Variants in NRG1 observed in about 807,000 individuals in gnomAD.
NRG1 encodes the protein pro-neuregulin-1, membrane-bound isoform.
Under a neutral mutation model 63.8 loss-of-function variants are expected in NRG1, and 18 were observed. That is an observed-to-expected ratio of 0.28 (90% confidence interval 0.19 to 0.42). NRG1 has a LOEUF of 0.42. NRG1 is among the 10% of genes least tolerant of loss of function. The probability of loss-of-function intolerance (pLI) is 1.00; values close to 1 mark genes in which losing one functional copy is unlikely to be tolerated. For synonymous variants in NRG1, 302 were observed against 301.3 expected (o/e 1.00, Z -0.02); for missense variants, 762 against 814.7 (o/e 0.94, Z 0.79).
exon 12 of NRG1, chr8:32,765,492 G>A (rs974244726): frequency 1.3e-5 from 2 of 152,184 alleles, no homozygotes; most frequent in South Asian, 4.1e-4. Flanking sequence ...TTCAGAAGGA[G>A]TGACTGTATA....
chr8:32,773,386 CAG>C (rs1334977024), intron 7 of NRG1, among the ~76,000 whole-genome samples: 1 of 152,120 alleles, frequency 6.6e-6, no homozygotes, highest in Non-Finnish European at 1.5e-5. Flanking sequence ...GCTATTAATG[CAG>C]AGTCAGTGAG....
chr8:32,356,170 T>C (rs2129480409), intron 1 of NRG1, among the ~76,000 whole-genome samples: 1 of 152,266 alleles, frequency 6.6e-6, no homozygotes, highest in Middle Eastern at 3.4e-3. Context: ...GATTAATTGG[T>C]AAAAGATATT....
At chr8:31,966,515 C>A (rs757439306) in intron 1 of NRG1, among the ~76,000 whole-genome samples, 7 of 152,192 alleles carry the variant, frequency 4.6e-5, no homozygotes, top group Non-Finnish European at 1.0e-4. Flanking sequence ...GTGTATATGT[C>A]CCATTATTTG....
intron 1 of NRG1, among the ~76,000 whole-genome samples, chr8:31,991,739 C>A (rs2129632649): frequency 6.6e-6 from 1 of 151,940 alleles, no homozygotes; most frequent in South Asian, 2.1e-4. Flanking sequence ...TTAAATTAAG[C>A]TCACTCTTTA....
At chr8:31,773,813 C>A (rs1268233339) in intron 1 of NRG1, among the ~76,000 whole-genome samples, 1 of 152,062 alleles carries the variant, frequency 6.6e-6, no homozygotes, top group Non-Finnish European at 1.5e-5. Flanking sequence ...ATAAAAGTTA[C>A]CTTCTCTGAG....
chr8:32,436,229 T>A (rs1413780264), intron 1 of NRG1, among the ~76,000 whole-genome samples: 1 of 152,092 alleles, frequency 6.6e-6, no homozygotes, highest in East Asian at 1.9e-4. Context: ...AGCCATCAGA[T>A]CTAGTGAGAC....
intron 1 of NRG1, among the ~76,000 whole-genome samples, chr8:32,280,678 AG>A (rs202138410): frequency 3.7e-4 from 31 of 84,530 alleles, no homozygotes; most frequent in African/African-American, 1.1e-3. Flanking sequence ...CAACTGAATT[AG>A]GTTTTTTTTT....
At chr8:32,465,947 A>G (rs549001395) in intron 1 of NRG1, among the ~76,000 whole-genome samples, 3 of 152,334 alleles carry the variant, frequency 2.0e-5, no homozygotes, top group South Asian at 2.1e-4. Flanking sequence ...AAATACAAGA[A>G]GGATCTATCA....
chr8:32,763,311 C>A (rs773199629), intron 11 of NRG1: 36 of 1,613,874 alleles, frequency 2.2e-5, no homozygotes, highest in Admixed American at 3.3e-5. Context: ...GATCTTCTTC[C>A]ATTCCCCATT....
intron 2 of NRG1, among the ~76,000 whole-genome samples, chr8:32,604,739 T>A (rs74410387): frequency 0.023 from 3,504 of 152,200 alleles, 64 homozygotes; most frequent in African/African-American, 0.051. Context: ...GGCTTTAGAA[T>A]AATTCTTTAG....
intron 1 of NRG1, among the ~76,000 whole-genome samples, chr8:31,807,495 G>A (rs1243490270): frequency 2.0e-5 from 3 of 151,970 alleles, no homozygotes; most frequent in Non-Finnish European, 4.4e-5. Context: ...ATTTATGGAA[G>A]GAAAGAGAGG....
At chr8:31,813,543 G>A (rs1399206559) in intron 1 of NRG1, among the ~76,000 whole-genome samples, 2 of 31,640 alleles carry the variant, frequency 6.3e-5, no homozygotes, top group Non-Finnish European at 1.6e-4. Context: ...TGTTTTTTGA[G>A]ACAGGTCTCC....
At chr8:31,881,998 G>A (rs920518749) in intron 1 of NRG1, among the ~76,000 whole-genome samples, 1 of 152,118 alleles carries the variant, frequency 6.6e-6, no homozygotes, top group East Asian at 1.9e-4. Context: ...GATGAAGGTG[G>A]CTACACTAAA....
At chr8:32,095,145 C>T (rs77055040) in intron 1 of NRG1, among the ~76,000 whole-genome samples, 4,923 of 151,978 alleles carry the variant, frequency 0.032, 124 homozygotes, top group South Asian at 0.074. Context: ...CTCCTGACCT[C>T]GTGATCCACC....
At chr8:32,081,841 G>T (rs1189957451) in intron 1 of NRG1, among the ~76,000 whole-genome samples, 1 of 152,154 alleles carries the variant, frequency 6.6e-6, no homozygotes, top group East Asian at 1.9e-4. Flanking sequence ...GTTTCGATCT[G>T]TGGATTGTTA....
intron 5 of NRG1, among the ~76,000 whole-genome samples, chr8:32,688,729 A>G (rs1048932661): frequency 6.6e-6 from 1 of 152,190 alleles, no homozygotes; most frequent in Non-Finnish European, 1.5e-5. Flanking sequence ...AATTACTTAA[A>G]TAACATTATT....
intron 5 of NRG1, among the ~76,000 whole-genome samples, chr8:32,706,693 T>TA: frequency 6.6e-6 from 1 of 152,284 alleles, no homozygotes; most frequent in East Asian, 1.9e-4. Context: ...TACCCAAATT[T>TA]AAAAATTTCC....
chr8:31,948,991 G>A (rs537641573), intron 1 of NRG1, among the ~76,000 whole-genome samples: 26 of 152,232 alleles, frequency 1.7e-4, no homozygotes, highest in African/African-American at 5.3e-4. Flanking sequence ...CAATTCAAAC[G>A]AAATGTATTT....
chr8:32,724,608 A>T (rs1821590049), intron 5 of NRG1, among the ~76,000 whole-genome samples: 1 of 152,146 alleles, frequency 6.6e-6, no homozygotes, highest in Non-Finnish European at 1.5e-5. Context: ...GCAAAAGGAA[A>T]CCTGGCGAAA....
Sources: allele counts gnomAD v4.1 joint callset (sites outside exome capture counted in the v4.1 genomes callset), GRCh38; gene constraint gnomAD v4.1.1; transcripts MANE v1.5; gene names NCBI Gene and HGNC (gene_info 2026-07-23, HGNC 2026-07-21).